CAMK1D: variants seen among roughly 807,000 people sequenced by gnomAD.
CAMK1D encodes calcium/calmodulin-dependent protein kinase type 1D.
A neutral mutation model predicts 47.7 loss-of-function variants in CAMK1D; 9 were observed. That is an observed-to-expected ratio of 0.19 (90% CI 0.11 to 0.33). The LOEUF (loss-of-function observed/expected upper bound fraction) is 0.33. Among genes scored for constraint, CAMK1D ranks in the 10% least tolerant of loss-of-function variants. CAMK1D has a pLI of 1.00. For synonymous variants in CAMK1D, 184 were observed against 184.9 expected (o/e 0.99, Z 0.04); for missense variants, 291 against 488.7 (o/e 0.60, Z 3.81).
At chr10:12,586,844 C>G (rs1837833158) in intron 2 of CAMK1D, among the ~76,000 whole-genome samples, 1 of 152,194 alleles carries the variant, frequency 6.6e-6, no homozygotes, top group African/African-American at 2.4e-5. Flanking sequence ...CTCCAAGTCC[C>G]TCATGTTCCC....
chr10:12,493,176 C>G (rs1302786613), intron 1 of CAMK1D, among the ~76,000 whole-genome samples: 1 of 152,172 alleles, frequency 6.6e-6, no homozygotes, highest in African/African-American at 2.4e-5. Flanking sequence ...CTCAGGCTAC[C>G]CCAGGACAGG....
In CAMK1D at chr10:12,512,331, T is replaced by TA. The variant is rs372483933; in HGVS notation, c.93-40893dup. Among the ~76,000 whole-genome samples the TA allele has an allele frequency of 2.8e-4, 42 of 152,336 alleles. 1 individual carries two copies. The East Asian group carries it at 6.9e-3, about 25-fold the overall frequency. ...GTTAAAGCAGTAGAAAACACTACCT[T>TA]ACGTTGTCACTGGTTTCAGACAAAC... On this transcript the variant is annotated intron_variant, in intron 1 of 10. Transcript: ENST00000619168.
intron 2 of CAMK1D, among the ~76,000 whole-genome samples, chr10:12,658,880 C>T (rs918202036): frequency 4.6e-5 from 7 of 152,106 alleles, no homozygotes; most frequent in African/African-American, 9.7e-5. Flanking sequence ...ACGTGTGATC[C>T]GATTTTTCCG....
chr10:12,816,415 T>C, intron 8 of CAMK1D, 87 bp downstream of exon 8: 1 of 1,034,746 alleles, frequency 9.7e-7, no homozygotes, highest in African/African-American at 1.6e-5. Flanking sequence ...TTGTCATTTA[T>C]GAAATCCACA....
intron 3 of CAMK1D, among the ~76,000 whole-genome samples, chr10:12,739,289 C>G (rs1318294914): frequency 1.3e-5 from 2 of 151,744 alleles, no homozygotes; most frequent in Admixed American, 6.6e-5. Context: ...CCCCTCTCCC[C>G]CCGAGACAGA....
intron 3 of CAMK1D, among the ~76,000 whole-genome samples, chr10:12,713,717 C>A (rs1295727508): frequency 6.6e-6 from 1 of 152,126 alleles, no homozygotes; most frequent in Non-Finnish European, 1.5e-5. Flanking sequence ...GGAAGCAGGG[C>A]CCCCAACAAG....
intron 3 of CAMK1D, among the ~76,000 whole-genome samples, chr10:12,675,395 T>C (rs1201555304): frequency 1.3e-5 from 2 of 152,192 alleles, no homozygotes; most frequent in Non-Finnish European, 2.9e-5. Context: ...TCTTGAATTT[T>C]CCACAAAATC....
intron 3 of CAMK1D, among the ~76,000 whole-genome samples, chr10:12,726,522 C>A (rs1160013328): frequency 2.0e-5 from 3 of 152,186 alleles, no homozygotes; most frequent in African/African-American, 7.2e-5. Context: ...AGACCTAGTG[C>A]CGCAGGAGAA....
At chr10:12,813,330 G>A (rs1441254689) in intron 6 of CAMK1D, among the ~76,000 whole-genome samples, 1 of 152,178 alleles carries the variant, frequency 6.6e-6, no homozygotes, top group Non-Finnish European at 1.5e-5. Flanking sequence ...CAATGTGCAG[G>A]TTATGGTGTC....
intron 3 of CAMK1D, among the ~76,000 whole-genome samples, chr10:12,745,441 CAG>C (rs201610531): frequency 0.015 from 2,269 of 152,284 alleles, 69 homozygotes; most frequent in African/African-American, 0.052. Flanking sequence ...ATACTAGAAA[CAG>C]AATGTGGTGA....
At chr10:12,677,339 A>T (rs1416074725) in intron 3 of CAMK1D, among the ~76,000 whole-genome samples, 4 of 152,204 alleles carry the variant, frequency 2.6e-5, no homozygotes, top group African/African-American at 9.7e-5. Flanking sequence ...ATATATTTAT[A>T]TATAAATTAC....
Position 12,440,702 on chromosome 10 carries a change from G to A in CAMK1D, c.92+90792G>A, listed in dbSNP as rs997147056. 8.5e-5 allele frequency among the ~76,000 whole-genome samples: 13 copies of A among 152,144 alleles called. No homozygotes were observed. In the South Asian group the frequency reaches 1.7e-3, roughly 19 times the overall value. ...TACCTCAATAAAGTATATGAGATACGGTGTATGCCAGGTGCAGTGCTCAGG... is the reference window on the plus strand; with the variant it reads ...TACCTCAATAAAGTATATGAGATACAGTGTATGCCAGGTGCAGTGCTCAGG... On this transcript the variant is annotated intron_variant, in intron 1 of 10. Transcript: ENST00000619168.
intron 1 of CAMK1D, among the ~76,000 whole-genome samples, chr10:12,403,354 G>T (rs943810429): frequency 1.3e-5 from 2 of 152,214 alleles, no homozygotes; most frequent in African/African-American, 4.8e-5. Context: ...ACCCCTTCAT[G>T]GGTGTGGGAC....
At chr10:12,474,883 AGGCTAAT>A (rs1481313838) in intron 1 of CAMK1D, among the ~76,000 whole-genome samples, 10 of 151,376 alleles carry the variant, frequency 6.6e-5, no homozygotes, top group Non-Finnish European at 1.3e-4. Flanking sequence ...TTTTTTGCTA[AGGCTAAT>A]GGCCTCCGGC....
intron 3 of CAMK1D, among the ~76,000 whole-genome samples, chr10:12,708,920 A>G (rs1833828897): frequency 6.6e-6 from 1 of 152,096 alleles, no homozygotes; most frequent in South Asian, 2.1e-4. Flanking sequence ...ACTTGAAGTC[A>G]GTGAGCCACC....
At position 12,834,529 on chromosome 10, in the gene CAMK1D, A is replaced by G. The variant is rs1833474238; in HGVS notation, c.*5642A>G. The G allele has an allele frequency of 6.6e-6, 1 of 152,128 alleles. No homozygotes were observed. Among genetic ancestry groups the G allele is most frequent in the African/African-American group, 2.4e-5 (1 of 41,416 alleles). 9.4% of individuals were successfully genotyped at this position (152,128 alleles called of 1,614,324 possible). On this transcript the variant is annotated 3_prime_UTR_variant, in exon 11 of 11. Coordinates refer to ENST00000619168, the MANE Select transcript of CAMK1D (RefSeq NM_153498.4). ...TGGAATGGCTTCTCGGTGTCTGTATAAAGGGACAAACGGTTGCATTCACCC... is the reference window on the plus strand; with the variant it reads ...TGGAATGGCTTCTCGGTGTCTGTATGAAGGGACAAACGGTTGCATTCACCC...
At chr10:12,824,355 CCA>C (rs1833122531) in intron 8 of CAMK1D, 108 bp from the exon 9 acceptor site, 2 of 893,410 alleles carry the variant, frequency 2.2e-6, no homozygotes, top group East Asian at 5.1e-5. Context: ...GCCACCCTGT[CCA>C]CGACTGAGCC....
intron 1 of CAMK1D, among the ~76,000 whole-genome samples, chr10:12,407,849 C>T (rs1484068785): frequency 1.6e-5 from 2 of 126,256 alleles, no homozygotes; most frequent in Non-Finnish European, 3.3e-5. Context: ...TTGGCTGACT[C>T]TTTTTTTTTT....
chr10:12,371,354 A>G (rs1181984925), intron 1 of CAMK1D, among the ~76,000 whole-genome samples: 1 of 151,964 alleles, frequency 6.6e-6, no homozygotes, highest in African/African-American at 2.4e-5. Context: ...AGGTGGGTAG[A>G]TCACAAGGTC....
Sources: gnomAD v4.1 joint callset for allele counts (sites outside exome capture counted in the v4.1 genomes callset) on GRCh38, gnomAD v4.1.1 for gene constraint, MANE v1.5 for transcripts, NCBI Gene and HGNC (gene_info 2026-07-23, HGNC 2026-07-21) for gene names.